DIXDC1: variants seen among roughly 807,000 people sequenced by gnomAD.
The protein encoded by DIXDC1 is DIX domain containing 1.
DIXDC1 carries 64 observed loss-of-function variants against 103.1 expected under a neutral mutation model. That is an observed-to-expected ratio of 0.62 (90% CI 0.51 to 0.76). DIXDC1 has a LOEUF of 0.76. DIXDC1 is among the 30% of genes least tolerant of loss of function. The pLI is 0.00. For missense variants in DIXDC1, 759 were observed against 834.2 expected (o/e 0.91, Z 1.11); for synonymous variants, 266 against 298.5 (o/e 0.89, Z 1.12).
At chr11:111,930,023 ATATAT>A in intron 2 of DIXDC1, 1 of 1,012,392 alleles carries the variant, frequency 9.9e-7, no homozygotes, top group Non-Finnish European at 1.4e-6. Flanking sequence ...CAGAATTTTA[ATATAT>A]TTGTCTTTTT....
intron 7 of DIXDC1, 111 bp downstream of exon 7, chr11:111,982,598 G>T: frequency 8.3e-7 from 1 of 1,197,792 alleles, no homozygotes; most frequent in Non-Finnish European, 1.2e-6. Flanking sequence ...AACTGAATGA[G>T]GAGTTTAGAT....
intron 3 of DIXDC1, among the ~76,000 whole-genome samples, chr11:111,971,197 A>C (rs193128992): frequency 6.6e-5 from 10 of 152,344 alleles, no homozygotes; most frequent in Non-Finnish European, 1.3e-4. Context: ...TAGCCTATAG[A>C]ATGGGAGGAA....
In DIXDC1 at chr11:111,964,292, C is replaced by T. The variant is rs587662060; in HGVS notation, c.61-257C>T. Among the ~76,000 whole-genome samples the T allele has an allele frequency of 2.2e-4, 33 of 152,330 alleles. No individual in the cohort carries two copies. The South Asian group carries it at 6.8e-3, about 32-fold the overall frequency. ...TCATAGTCATTGAAAGACTCATCTGCTTATGTGTGTCTACAGTGCCACCCA... is the reference window on the plus strand; with the variant it reads ...TCATAGTCATTGAAAGACTCATCTGTTTATGTGTGTCTACAGTGCCACCCA... On this transcript the variant is annotated intron_variant, in intron 1 of 19. Coordinates refer to ENST00000440460, the MANE Select transcript of DIXDC1 (RefSeq NM_001037954.4).
At chr11:111,938,926 A>AGGGGATT (rs1316082339) in intron 1 of DIXDC1, among the ~76,000 whole-genome samples, 1 of 152,206 alleles carries the variant, frequency 6.6e-6, no homozygotes, top group Non-Finnish European at 1.5e-5. Context: ...AACACACGTA[A>AGGGGATT]GGGGATTGTT....
intron 1 of DIXDC1, among the ~76,000 whole-genome samples, chr11:111,952,456 G>C (rs1472586170): frequency 4.6e-5 from 7 of 152,168 alleles, no homozygotes; most frequent in African/African-American, 1.7e-4. Flanking sequence ...GACTTTGGGA[G>C]GCCAAGGTGG....
chr11:112,009,855 A>G (rs1265781478), intron 17 of DIXDC1, among the ~76,000 whole-genome samples: 1 of 152,240 alleles, frequency 6.6e-6, no homozygotes, highest in Non-Finnish European at 1.5e-5. Context: ...CCAATATCAT[A>G]TTGAATGGGC....
intron 1 of DIXDC1, among the ~76,000 whole-genome samples, chr11:111,940,305 A>G (rs948620697): frequency 6.6e-6 from 1 of 152,254 alleles, no homozygotes; most frequent in Admixed American, 6.5e-5. Flanking sequence ...TTTCAATGCA[A>G]TGCCTTTGAA....
intron 1 of DIXDC1, among the ~76,000 whole-genome samples, chr11:111,949,843 G>T (rs112622111): frequency 6.6e-6 from 1 of 152,056 alleles, no homozygotes; most frequent in East Asian, 1.9e-4. Context: ...GAACCAGCCA[G>T]ATGTCTCCTT....
rs1861754408 is a variant in DIXDC1 at position 112,021,417 on chromosome 11, G to A, written c.*2381G>A. 1 of 152,188 alleles carries A rather than the reference G, an allele frequency of 6.6e-6. No individual in the cohort carries two copies. Among genetic ancestry groups the A allele is most frequent in the Non-Finnish European group, 1.5e-5 (1 of 68,040 alleles). 9.4% of individuals were successfully genotyped at this position (152,188 alleles called of 1,614,324 possible). ...CAAAGCGAGAGGAGCCTTCTGAGCA[G>A]AAGTATGCAAGACTGATTCTGTTTG... On this transcript the variant is annotated 3_prime_UTR_variant, in exon 20 of 20. Coordinates refer to ENST00000440460, the MANE Select transcript of DIXDC1 (RefSeq NM_001037954.4).
At chr11:111,974,469 T>G in intron 4 of DIXDC1, 1 of 576,456 alleles carries the variant, frequency 1.7e-6, no homozygotes. Flanking sequence ...AGTAAAGGAA[T>G]CTTATGTGTA....
rs782178833 is a variant in DIXDC1, at chr11:111,974,861, G to A, written c.549-15G>A. On this transcript the variant is annotated splice_polypyrimidine_tract_variant and intron_variant, in intron 4 of 19. Coordinates refer to ENST00000440460, the MANE Select transcript of DIXDC1 (RefSeq NM_001037954.4). ...GGACTGACACCTTCCCTTTGCTGGG[G>A]TCCTTTGACTTTAGGAACAGCAGCA... 5.6e-5 allele frequency: 90 copies of A among 1,611,974 alleles called. No homozygotes were observed. The highest frequency in any genetic ancestry group is 7.1e-5 in the Non-Finnish European group (84 of 1,179,108).
chr11:112,014,068 G>A (rs1276239942), intron 17 of DIXDC1, among the ~76,000 whole-genome samples: 5 of 152,080 alleles, frequency 3.3e-5, no homozygotes, highest in African/African-American at 9.7e-5. Context: ...ATCTAGTCTT[G>A]AGGAATCTGC....
intron 1 of DIXDC1, among the ~76,000 whole-genome samples, chr11:111,953,388 G>C (rs1382406012): frequency 4.6e-5 from 7 of 152,254 alleles, no homozygotes; most frequent in African/African-American, 1.2e-4. Flanking sequence ...TGTAATCCCA[G>C]CACTTTGGGA....
intron 9 of DIXDC1, among the ~76,000 whole-genome samples, chr11:111,987,168 T>C (rs994353513): frequency 2.0e-5 from 3 of 151,708 alleles, no homozygotes; most frequent in Non-Finnish European, 4.4e-5. Context: ...GAGAATTGCT[T>C]GAACCTGGGA....
At chr11:111,994,439 A>G (rs1860810544) in intron 14 of DIXDC1, among the ~76,000 whole-genome samples, 1 of 151,624 alleles carries the variant, frequency 6.6e-6, no homozygotes, top group Non-Finnish European at 1.5e-5. Flanking sequence ...ATATACACTC[A>G]CACATATATA....
chr11:111,934,760 G>GA (rs1966141257), upstream of DIXDC1, among the ~76,000 whole-genome samples: 1 of 152,108 alleles, frequency 6.6e-6, no homozygotes, highest in Admixed American at 6.6e-5. Context: ...AAAAAAAATG[G>GA]ACATTATATG....
chr11:111,966,397 ATTT>A (rs1221666046), intron 2 of DIXDC1, among the ~76,000 whole-genome samples: 3 of 58,710 alleles, frequency 5.1e-5, no homozygotes, highest in African/African-American at 1.9e-4. Flanking sequence ...TAATTTTTGT[ATTT>A]TTTTTTTTTT....
rs1359777148 is a variant in DIXDC1 at position 111,959,353 on chromosome 11, G to A, written c.61-5196G>A. Among the ~76,000 whole-genome samples the A allele has an allele frequency of 8.5e-5, 13 of 152,298 alleles. 1 individual carries two copies. The highest frequency in any genetic ancestry group is 2.2e-4 in the African/African-American group (9 of 41,564). On this transcript the variant is annotated intron_variant, in intron 1 of 19. Transcript: ENST00000440460. The stretch of plus-strand genomic sequence containing the variant: ...TCTTGGAGTCTCCAAGCTTCCAGGC[G>A]CCACCACATTCCCTGGTGCCAGCTG...
At chr11:111,937,173 C>G, upstream of DIXDC1, 1 of 1,041,676 alleles carries the variant, frequency 9.6e-7, no homozygotes, top group Non-Finnish European at 1.2e-6. Flanking sequence ...GCAGCGCGCG[C>G]CCTCGCCAGC....
Sources: gnomAD v4.1 joint callset for allele counts (sites outside exome capture counted in the v4.1 genomes callset) on GRCh38, gnomAD v4.1.1 for gene constraint, MANE v1.5 for transcripts, NCBI Gene and HGNC (gene_info 2026-07-23, HGNC 2026-07-21) for gene names.